CNTN3: variants seen among roughly 807,000 people sequenced by gnomAD.
CNTN3 encodes contactin-3.
CNTN3 carries 60 observed loss-of-function variants against 119.1 expected under a neutral mutation model. The observed-to-expected ratio is 0.50, with a 90% CI of 0.41 to 0.62. The LOEUF (loss-of-function observed/expected upper bound fraction) is 0.62. Among genes scored for constraint, CNTN3 ranks in the 20% least tolerant of loss-of-function variants. The probability of loss-of-function intolerance (pLI) is 0.00; values close to 1 mark genes in which losing one functional copy is unlikely to be tolerated. For synonymous variants in CNTN3, 450 were observed against 438.7 expected (o/e 1.03, Z -0.32); for missense variants, 1,101 against 1,242.4 (o/e 0.89, Z 1.71).
At chr3:74,408,394 G>C (rs1457796622) in intron 5 of CNTN3, among the ~76,000 whole-genome samples, 2 of 152,102 alleles carry the variant, frequency 1.3e-5, no homozygotes, top group Non-Finnish European at 2.9e-5. Context: ...CAGTAACAGT[G>C]GTCGGTTTTT....
At chr3:74,410,934 A>G (rs1295790466) in intron 5 of CNTN3, among the ~76,000 whole-genome samples, 4 of 152,190 alleles carry the variant, frequency 2.6e-5, no homozygotes, top group Non-Finnish European at 5.9e-5. Flanking sequence ...TAACGTATCA[A>G]TAAGTGAACA....
At chr3:74,322,441 A>G (rs948105139) in intron 13 of CNTN3, among the ~76,000 whole-genome samples, 14 of 152,208 alleles carry the variant, frequency 9.2e-5, no homozygotes, top group African/African-American at 3.1e-4. Context: ...AATTAAAACG[A>G]GATACCACTA....
chr3:74,436,751 G>A (rs1458431053), intron 4 of CNTN3, among the ~76,000 whole-genome samples: 1 of 152,090 alleles, frequency 6.6e-6, no homozygotes, highest in Non-Finnish European at 1.5e-5. Context: ...ATAAAAGCTG[G>A]AAATACAAAA....
chr3:74,451,199 T>C (rs1302070667), intron 4 of CNTN3, among the ~76,000 whole-genome samples: 3 of 152,100 alleles, frequency 2.0e-5, no homozygotes, highest in African/African-American at 2.4e-5. Context: ...TTTTAATGAT[T>C]GCCATTCTAA....
intron 5 of CNTN3, among the ~76,000 whole-genome samples, chr3:74,406,827 C>CTAGTAATTA (rs1326435976): frequency 2.0e-5 from 3 of 152,006 alleles, no homozygotes; most frequent in African/African-American, 7.2e-5. Flanking sequence ...CCTCTCATTG[C>CTAGTAATTA]TAGTAATTAT....
intron 11 of CNTN3, among the ~76,000 whole-genome samples, chr3:74,360,162 G>A (rs747461473): frequency 1.3e-5 from 2 of 152,112 alleles, no homozygotes; most frequent in Non-Finnish European, 2.9e-5. Flanking sequence ...ATACCTTTGG[G>A]GCTAAAATCT....
At chr3:74,366,776 G>GTATATATATATA (rs1416469987) in intron 8 of CNTN3, among the ~76,000 whole-genome samples, 18 of 35,618 alleles carry the variant, frequency 5.1e-4, no homozygotes, top group African/African-American at 2.2e-3. Flanking sequence ...GTGTGTGTGT[G>GTATATATATATA]TGTGTATATA....
intron 11 of CNTN3, among the ~76,000 whole-genome samples, chr3:74,356,553 A>G (rs377078654): frequency 2.6e-5 from 4 of 152,190 alleles, no homozygotes; most frequent in African/African-American, 9.6e-5. Context: ...GTATACCCTG[A>G]AAAGCTACAA....
At chr3:74,547,635 T>A (rs1455267534) in intron 1 of CNTN3, among the ~76,000 whole-genome samples, 1 of 152,152 alleles carries the variant, frequency 6.6e-6, no homozygotes, top group East Asian at 1.9e-4. Flanking sequence ...GTTTCCTTGT[T>A]CATTCATCTA....
chr3:74,328,334 A>C (rs1703178937), intron 13 of CNTN3, among the ~76,000 whole-genome samples: 1 of 152,150 alleles, frequency 6.6e-6, no homozygotes, highest in Admixed American at 6.6e-5. Flanking sequence ...AATTTTTCCA[A>C]AAAAAATTTA....
chr3:74,337,714 T>C lies in CNTN3; in HGVS notation c.1365-1056A>G, dbSNP rs1575735707. Among the ~76,000 whole-genome samples the C allele has an allele frequency of 4.6e-5, 7 of 152,216 alleles. No individual in the cohort carries two copies. The South Asian group carries it at 1.5e-3, about 32-fold the overall frequency. On this transcript the variant is annotated intron_variant, in intron 11 of 22. Coordinates refer to ENST00000263665, the MANE Select transcript of CNTN3 (RefSeq NM_020872.3). Reference sequence around the variant, plus strand: ...TCCCTCCCACAACATGTGGGAATTATGGAAGCTACAATTTAAGATGAGATT... The same window carrying C: ...TCCCTCCCACAACATGTGGGAATTACGGAAGCTACAATTTAAGATGAGATT...
Position 74,614,515 on chromosome 3 carries a change from G to C in CNTN3, c.-205C>G, listed in dbSNP as rs995559308. On this transcript the variant is annotated 5_prime_UTR_variant, in exon 1 of 23. Coordinates refer to ENST00000263665, the MANE Select transcript of CNTN3 (RefSeq NM_020872.3). Reference sequence around the variant, plus strand: ...GCCCGGGGGGCCGCCGTGCGCGCCCGCGTAAGCCGCCGCCGCCGCAGGCGC... The same window carrying C: ...GCCCGGGGGGCCGCCGTGCGCGCCCCCGTAAGCCGCCGCCGCCGCAGGCGC... 6.8e-6 allele frequency among the ~76,000 whole-genome samples: 1 copy of C among 146,678 alleles called. No individual in the cohort carries two copies. Among genetic ancestry groups the C allele is most frequent in the African/African-American group, 2.5e-5 (1 of 40,784 alleles).
intron 18 of CNTN3, 56 bp from the exon 19 acceptor site, chr3:74,295,292 A>ACAGATTAACG: frequency 1.1e-6 from 1 of 910,078 alleles, no homozygotes; most frequent in Non-Finnish European, 1.8e-6. Context: ...AGTTTAAAAC[A>ACAGATTAACG]CAGATTAATG....
At chr3:74,525,717 C>A (rs564693818) in intron 1 of CNTN3, among the ~76,000 whole-genome samples, 1 of 151,702 alleles carries the variant, frequency 6.6e-6, no homozygotes, top group South Asian at 2.1e-4. Context: ...CTTTAAATAG[C>A]CCCCAAATTT....
chr3:74,550,251 G>T (rs903454676), intron 1 of CNTN3, among the ~76,000 whole-genome samples: 4 of 152,154 alleles, frequency 2.6e-5, no homozygotes, highest in Non-Finnish European at 5.9e-5. Flanking sequence ...TCCGTTTTCT[G>T]TTAAAAGAAA....
At chr3:74,351,036 A>C (rs974098426) in intron 11 of CNTN3, among the ~76,000 whole-genome samples, 1 of 152,180 alleles carries the variant, frequency 6.6e-6, no homozygotes, top group Non-Finnish European at 1.5e-5. Context: ...AGCACTATAC[A>C]ATATGCCCTT....
At chr3:74,452,084 G>C (rs1278372592) in intron 4 of CNTN3, among the ~76,000 whole-genome samples, 3 of 147,034 alleles carry the variant, frequency 2.0e-5, no homozygotes, top group South Asian at 4.4e-4. Flanking sequence ...GGATGGCATT[G>C]AATCTATAAA....
chr3:74,426,169 T>C (rs1300275152), intron 4 of CNTN3, among the ~76,000 whole-genome samples: 1 of 152,110 alleles, frequency 6.6e-6, no homozygotes, highest in Non-Finnish European at 1.5e-5. Flanking sequence ...CTTTAGTTCA[T>C]AGGGAAAGAG....
intron 13 of CNTN3, among the ~76,000 whole-genome samples, chr3:74,319,605 G>A (rs992856890): frequency 1.1e-4 from 17 of 151,788 alleles, no homozygotes; most frequent in Non-Finnish European, 1.8e-4. Flanking sequence ...CATAGGCATG[G>A]GCAAGGACTT....
Sources: gnomAD v4.1 joint callset for allele counts (sites outside exome capture counted in the v4.1 genomes callset) on GRCh38, gnomAD v4.1.1 for gene constraint, MANE v1.5 for transcripts, NCBI Gene and HGNC (gene_info 2026-07-23, HGNC 2026-07-21) for gene names.